SGSM2: variants seen among roughly 807,000 people sequenced by gnomAD.
The protein encoded by SGSM2 is RUN and TBC1 domain containing 1.
A neutral mutation model predicts 126.6 loss-of-function variants in SGSM2; 89 were observed. That is an observed-to-expected ratio of 0.70 (90% CI 0.59 to 0.84). SGSM2 has a LOEUF of 0.84. SGSM2 is among the 40% of genes least tolerant of loss of function. The pLI, the probability that SGSM2 is intolerant of heterozygous loss-of-function variation, is 0.00. For missense variants in SGSM2, 1,404 were observed against 1,416.6 expected (o/e 0.99, Z 0.14); for synonymous variants, 614 against 574.3 (o/e 1.07, Z -0.99).
intron 2 of SGSM2, among the ~76,000 whole-genome samples, chr17:2,350,632 A>C (rs2064805356): frequency 6.6e-6 from 1 of 151,984 alleles, no homozygotes; most frequent in Non-Finnish European, 1.5e-5. Context: ...AAAACAAAAA[A>C]ACAAGACATA....
chr17:2,353,809 C>T (rs1447921931), intron 2 of SGSM2, among the ~76,000 whole-genome samples: 1 of 151,930 alleles, frequency 6.6e-6, no homozygotes, highest in African/African-American at 2.4e-5. Context: ...CCTTTCTCTG[C>T]TCTTATTCAC....
At chr17:2,345,850 T>C (rs58460970) in intron 2 of SGSM2, among the ~76,000 whole-genome samples, 6,658 of 152,094 alleles carry the variant, frequency 0.044, 493 homozygotes, top group African/African-American at 0.15. Flanking sequence ...TGCTCAGTGG[T>C]GAGCTAAATC....
rs1333275751 is a variant in SGSM2 at position 2,362,812 on chromosome 17, C to T, written c.459-26C>T. ...CCTGGAATGAGCCCCGGAGCCTCGG[C>T]AGTCACACTGTCTGTCTCCTGGCAG... On this transcript the variant is annotated intron_variant, in intron 4 of 23. Transcript: ENST00000268989. This position sits in a 1 kb window ranked among gnomAD's most constrained non-coding sequence, Gnocchi z 4.9. 6.2e-7 allele frequency: 1 copy of T among 1,612,870 alleles called. No individual in the cohort carries two copies. Among genetic ancestry groups the T allele is most frequent in the Admixed American group, 1.7e-5 (1 of 60,020 alleles).
intron 21 of SGSM2, chr17:2,377,483 C>CA (rs11339431): frequency 0.011 from 1,199 of 112,360 alleles, 4 homozygotes; most frequent in South Asian, 0.025. Context: ...GACTCTGTCT[C>CA]AAAAAAAAAA....
In SGSM2 at chr17:2,376,127, A is replaced by C; in HGVS notation, c.2485-10A>C. 6.2e-7 allele frequency: 1 copy of C among 1,613,698 alleles called. No individual in the cohort carries two copies. Among genetic ancestry groups the C allele is most frequent in the Middle Eastern group, 1.6e-4 (1 of 6,062 alleles). On this transcript the variant is annotated splice_polypyrimidine_tract_variant and intron_variant, in intron 18 of 23. Coordinates refer to ENST00000268989, the MANE Select transcript of SGSM2 (RefSeq NM_014853.3). ...CCGGTCTCATGCCTGAGGGCCCTCCACTCTTCCAGATAGAATTACTGGACA... is the reference window on the plus strand; with the variant it reads ...CCGGTCTCATGCCTGAGGGCCCTCCCCTCTTCCAGATAGAATTACTGGACA...
chr17:2,354,632 C>G (rs2065014634), intron 2 of SGSM2, among the ~76,000 whole-genome samples: 1 of 152,200 alleles, frequency 6.6e-6, no homozygotes, highest in Admixed American at 6.5e-5. Context: ...GACGGATTCT[C>G]AGAAGAGGGG....
Position 2,372,923 on chromosome 17 carries a change from T to TGCA in SGSM2, c.1789-29_1789-27dup. ...GCTGGGCCACGGTGACTGTGGAGGC[T>TGCA]GCACAGTCTTGACTCCCCGGGTCCC... On this transcript the variant is annotated intron_variant, in intron 15 of 23. Coordinates refer to ENST00000268989, the MANE Select transcript of SGSM2 (RefSeq NM_014853.3). This position sits in a 1 kb window ranked among gnomAD's most constrained non-coding sequence, Gnocchi z 6.0. 6.4e-7 allele frequency: 1 copy of TGCA among 1,551,708 alleles called. No individual in the cohort carries two copies. Among genetic ancestry groups the TGCA allele is most frequent in the Non-Finnish European group, 8.7e-7 (1 of 1,147,088 alleles).
At position 2,372,101 on chromosome 17, in the gene SGSM2, G is replaced by GC. The variant is rs555744252; in HGVS notation, c.1578-83dup. 2.0e-6 allele frequency: 3 copies of GC among 1,488,818 alleles called. No individual in the cohort carries two copies. The highest frequency in any genetic ancestry group is 1.7e-5 in the Admixed American group (1 of 59,142). The allele number at this position is 1,488,818 out of a possible 1,614,324, so 92.2% of individuals were successfully genotyped here. ...TCGCACCCTCCCCAGTGCCTTACCT[G>GC]CCCCCCAGGACAGAGCCTCCTCCCT... On this transcript the variant is annotated intron_variant, in intron 13 of 23. Transcript: ENST00000268989. The surrounding 1 kb of genome is among the most constrained non-coding windows in gnomAD (Gnocchi z 6.0).
chr17:2,350,485 C>G (rs1489916575), intron 2 of SGSM2, among the ~76,000 whole-genome samples: 2 of 151,762 alleles, frequency 1.3e-5, no homozygotes, highest in African/African-American at 4.8e-5. Flanking sequence ...TGGCGCACGT[C>G]TATAATTCCA....
rs550158984 is a variant in SGSM2 at position 2,366,989 on chromosome 17, C to T, written c.1289-282C>T. 55 of 400,146 alleles carry T rather than the reference C, an allele frequency of 1.4e-4. 2 individuals carry two copies. In the Middle Eastern group the frequency reaches 2.7e-3, roughly 20 times the overall value. The allele number at this position is 400,146 out of a possible 1,614,324, so 24.8% of individuals were successfully genotyped here. A position where few individuals can be genotyped will look rare whatever the true frequency, so the allele number is the denominator to read the frequency against. On this transcript the variant is annotated intron_variant, in intron 11 of 23. Transcript: ENST00000268989. ...GCTGCCAGCCCATCCCAGACAGTCC[C>T]GGTCTTTCACATCCTCCCACCTCTG...
Position 2,367,402 on chromosome 17 carries a change from A to T in SGSM2, c.1420A>T (p.Lys474Ter). The T allele has an allele frequency of 6.2e-7, 1 of 1,613,386 alleles. No individual in the cohort carries two copies. The change falls in exon 12 of 24, where the codon AAA becomes TAA. Residue 474 changes from lysine to a stop codon, truncating the protein, a stop_gained. Coordinates refer to ENST00000268989, the MANE Select transcript of SGSM2 (RefSeq NM_014853.3). LOFTEE classifies it high-confidence loss of function. This position sits in a 1 kb window ranked among gnomAD's most constrained non-coding sequence, Gnocchi z 4.0. ...SRNLTAPNPM[K>*]DAGDMIEMQG... ...GAACCTCACAGCTCCCAATCCGATG[A>T]AAGGTTCTTATCCCTCCCTCTCCCT...
chr17:2,368,657 C>T (rs1158991791), intron 12 of SGSM2, among the ~76,000 whole-genome samples: 1 of 140,904 alleles, frequency 7.1e-6, no homozygotes, highest in Non-Finnish European at 1.6e-5. Context: ...TGCCCTCATG[C>T]CCACCCTCCC....
At chr17:2,342,026 T>C (rs1457582096) in intron 1 of SGSM2, among the ~76,000 whole-genome samples, 2 of 152,056 alleles carry the variant, frequency 1.3e-5, no homozygotes, top group Admixed American at 6.5e-5. Context: ...AATCTACAGC[T>C]ATACACAACA....
At chr17:2,343,512 A>T (rs2151478250) in intron 1 of SGSM2, 33 bp from the exon 2 acceptor site, 1 of 1,610,242 alleles carries the variant, frequency 6.2e-7, no homozygotes, top group East Asian at 2.2e-5. Context: ...AGGGAAAATA[A>T]TAAAAGCAGT....
Position 2,379,803 on chromosome 17 carries a change from C to A in SGSM2, c.*283C>A, listed in dbSNP as rs2066337994. 1.7e-5 allele frequency: 23 copies of A among 1,337,404 alleles called. No homozygotes were observed. The highest frequency in any genetic ancestry group is 2.2e-5 in the Non-Finnish European group (23 of 1,040,334). The allele number at this position is 1,337,404 out of a possible 1,614,324, so 82.8% of individuals were successfully genotyped here. A position where few individuals can be genotyped will look rare whatever the true frequency, so the allele number is the denominator to read the frequency against. On this transcript the variant is annotated 3_prime_UTR_variant, in exon 24 of 24. Transcript: ENST00000268989. ...TCCCCTCTCACACATCTGGGAGTAG[C>A]CCCACTGCCACCTGCAGCCGCAGCC...
chr17:2,380,122 G>T lies in SGSM2; in HGVS notation c.*602G>T. ...GGGCAGTCGGAAGATGTGGGCCCTG[G>T]GTGGGAGCAGCCCACTTCAGCAGCA... On this transcript the variant is annotated 3_prime_UTR_variant, in exon 24 of 24. Coordinates refer to ENST00000268989, the MANE Select transcript of SGSM2 (RefSeq NM_014853.3). 1 of 1,407,062 alleles carries T rather than the reference G, an allele frequency of 7.1e-7. No individual in the cohort carries two copies. The highest frequency in any genetic ancestry group is 2.8e-5 in the East Asian group (1 of 36,206). 87.2% of individuals were successfully genotyped at this position (1,407,062 alleles called of 1,614,324 possible).
chr17:2,379,944 C>T lies in SGSM2; in HGVS notation c.*424C>T. 7.5e-7 allele frequency: 1 copy of T among 1,329,794 alleles called. No homozygotes were observed. The highest frequency in any genetic ancestry group is 3.4e-5 in the Admixed American group (1 of 29,354). The allele number at this position is 1,329,794 out of a possible 1,614,324, so 82.4% of individuals were successfully genotyped here. The stretch of plus-strand genomic sequence containing the variant: ...CGAGAGGCTCTGTGCTGTGTCCCTT[C>T]TGAGGGTCCCTTTGCAGTCCCAGTA... On this transcript the variant is annotated 3_prime_UTR_variant, in exon 24 of 24. Transcript: ENST00000268989.
In SGSM2 at chr17:2,362,370, G is replaced by A. The variant is rs553551309; in HGVS notation, c.458+100G>A. ...CCCAAAAACTGCAGGTGACCGCCCCGTTCCCCAAAAACTGCAGGTGACCGC... is the reference window on the plus strand; with the variant it reads ...CCCAAAAACTGCAGGTGACCGCCCCATTCCCCAAAAACTGCAGGTGACCGC... On this transcript the variant is annotated intron_variant, in intron 4 of 23. Coordinates refer to ENST00000268989, the MANE Select transcript of SGSM2 (RefSeq NM_014853.3). The surrounding 1 kb of genome is among the most constrained non-coding windows in gnomAD (Gnocchi z 4.9). 5.7e-4 allele frequency: 736 copies of A among 1,292,202 alleles called. 7 individuals carry two copies. In the African/African-American group the frequency reaches 9.6e-3, roughly 17 times the overall value. 80.0% of individuals were successfully genotyped at this position (1,292,202 alleles called of 1,614,324 possible).
intron 8 of SGSM2, 90 bp from the exon 9 acceptor site, chr17:2,364,506 G>GT (rs1252891135): frequency 7.0e-7 from 1 of 1,426,422 alleles, no homozygotes; most frequent in African/African-American, 1.4e-5. Flanking sequence ...CTTCAGGGGA[G>GT]TTTCGTGGGG....
Sources: gnomAD v4.1 joint callset for allele counts (sites outside exome capture counted in the v4.1 genomes callset) on GRCh38, gnomAD v4.1.1 for gene constraint, Gnocchi (gnomAD v3.1) non-coding constraint, MANE v1.5 for transcripts, NCBI Gene and HGNC (gene_info 2026-07-23, HGNC 2026-07-21) for gene names.